TMEM38B: variants seen among roughly 807,000 people sequenced by gnomAD.
TMEM38B encodes the protein trimeric intracellular cation channel type B.
TMEM38B carries 24 observed loss-of-function variants against 28.7 expected under a neutral mutation model. The observed-to-expected ratio is 0.84, with a 90% CI of 0.61 to 1.18. The LOEUF (loss-of-function observed/expected upper bound fraction) is 1.18. Among genes scored for constraint, TMEM38B ranks in the 50% most tolerant of loss-of-function variants. The pLI, the probability that TMEM38B is intolerant of heterozygous loss-of-function variation, is 0.00. For synonymous variants in TMEM38B, 131 were observed against 127.7 expected (o/e 1.03, Z -0.17); for missense variants, 380 against 350.9 (o/e 1.08, Z -0.66).
intron 4 of TMEM38B, among the ~76,000 whole-genome samples, chr9:105,742,352 A>G (rs1377343702): frequency 1.3e-5 from 2 of 152,208 alleles, no homozygotes; most frequent in Non-Finnish European, 2.9e-5. Context: ...ACAGAAGATT[A>G]TTCCCAGGCT....
At chr9:105,728,495 A>G (rs1296646759) in intron 4 of TMEM38B, among the ~76,000 whole-genome samples, 4 of 152,130 alleles carry the variant, frequency 2.6e-5, no homozygotes, top group Non-Finnish European at 5.9e-5. Context: ...TTATTGATGG[A>G]CATTTTGGTT....
chr9:105,743,434 T>G (rs1837275723), intron 4 of TMEM38B, among the ~76,000 whole-genome samples: 1 of 152,182 alleles, frequency 6.6e-6, no homozygotes, highest in Non-Finnish European at 1.5e-5. Flanking sequence ...TGTTTTGCAG[T>G]GTGGCATTCT....
intron 1 of TMEM38B, among the ~76,000 whole-genome samples, chr9:105,697,621 A>G (rs1302313939): frequency 6.6e-6 from 1 of 151,622 alleles, no homozygotes; most frequent in Non-Finnish European, 1.5e-5. Flanking sequence ...ATTGTCTTCT[A>G]TTTACTGTCT....
chr9:105,735,323 A>T (rs573223544), intron 4 of TMEM38B, among the ~76,000 whole-genome samples: 1 of 152,344 alleles, frequency 6.6e-6, no homozygotes, highest in South Asian at 2.1e-4. Context: ...AAAGATTTAT[A>T]TAGCACCATT....
Position 105,773,921 on chromosome 9 carries a change from AT to A in TMEM38B, c.719del (p.Leu240Ter). The stretch of plus-strand genomic sequence containing the variant: ...TGACATTTGCTCCTTTTGAGGATAC[AT>A]TGAGTTGGATGCTATTTGGCTGGCA... ...TMTFAPFEDTLSWMLFGWQQP... is the reference protein window; with the variant it reads ...TMTFAPFEDTXSWMLFGWQQP... On this transcript the variant is annotated frameshift_variant, in exon 6 of 6. Transcript: ENST00000374692. LOFTEE classifies it low-confidence loss of function (END_TRUNC). 1 of 1,613,788 alleles carries A rather than the reference AT, an allele frequency of 6.2e-7. No homozygotes were observed. The highest frequency in any genetic ancestry group is 8.5e-7 in the Non-Finnish European group (1 of 1,179,760).
At chr9:105,725,048 A>G (rs928995331) in intron 4 of TMEM38B, among the ~76,000 whole-genome samples, 2 of 152,068 alleles carry the variant, frequency 1.3e-5, no homozygotes, top group Non-Finnish European at 2.9e-5. Context: ...CAAGTCAAGT[A>G]TGGTCTAGTT....
chr9:105,712,634 A>G (rs1006064142), intron 2 of TMEM38B, among the ~76,000 whole-genome samples: 1 of 152,244 alleles, frequency 6.6e-6, no homozygotes, highest in Non-Finnish European at 1.5e-5. Context: ...ACCCTTTTAC[A>G]TTTAGTGCCT....
intron 5 of TMEM38B, among the ~76,000 whole-genome samples, chr9:105,763,636 G>A (rs187668883): frequency 1.8e-4 from 27 of 152,226 alleles, no homozygotes; most frequent in Non-Finnish European, 2.8e-4. Flanking sequence ...ATTCACAGCC[G>A]AATTCTACCA....
rs200972608 is a variant in TMEM38B at position 105,705,575 on chromosome 9, A to G, written c.113-22A>G. The stretch of plus-strand genomic sequence containing the variant: ...AATAAATGTATAATGATCACAGACC[A>G]TATTTTACTTTACCATTTCAGGAGC... On this transcript the variant is annotated intron_variant, in intron 1 of 5. Coordinates refer to ENST00000374692, the MANE Select transcript of TMEM38B (RefSeq NM_018112.3). The G allele has an allele frequency of 1.9e-5, 31 of 1,606,076 alleles. No homozygotes were observed. In the East Asian group the frequency reaches 5.6e-4, roughly 29 times the overall value.
rs572044347 is a variant in TMEM38B, at chr9:105,718,404, A to AT, written c.270-3128dup. The stretch of plus-strand genomic sequence containing the variant: ...TAGGCGCCCGCCACCATGCTGGCTA[A>AT]TTTTTGTGTTTTTTAGTAGAGATGG... On this transcript the variant is annotated intron_variant, in intron 2 of 5. Coordinates refer to ENST00000374692, the MANE Select transcript of TMEM38B (RefSeq NM_018112.3). Among the ~76,000 whole-genome samples, 41 of 152,144 alleles carry AT rather than the reference A, an allele frequency of 2.7e-4. No homozygotes were observed. The East Asian group carries it at 7.4e-3, about 27-fold the overall frequency.
At chr9:105,735,583 TC>T (rs1469235857) in intron 4 of TMEM38B, among the ~76,000 whole-genome samples, 11 of 152,210 alleles carry the variant, frequency 7.2e-5, no homozygotes, top group African/African-American at 2.2e-4. Context: ...GCAGTTGTTT[TC>T]TTTCAGCTGT....
chr9:105,731,947 T>G (rs968074603), intron 4 of TMEM38B, among the ~76,000 whole-genome samples: 6 of 152,164 alleles, frequency 3.9e-5, no homozygotes, highest in African/African-American at 1.2e-4. Context: ...TTCCTATTTC[T>G]CCACATCCTC....
At chr9:105,753,206 G>C (rs1837721193) in intron 5 of TMEM38B, among the ~76,000 whole-genome samples, 1 of 152,152 alleles carries the variant, frequency 6.6e-6, no homozygotes, top group Non-Finnish European at 1.5e-5. Flanking sequence ...GTACTTGAAA[G>C]AGACGAGGAG....
In TMEM38B at chr9:105,694,790, C is replaced by A; in HGVS notation, c.112+18C>A. On this transcript the variant is annotated intron_variant, in intron 1 of 5. Coordinates refer to ENST00000374692, the MANE Select transcript of TMEM38B (RefSeq NM_018112.3). ...TCAGCCGGGTGAGTGCGGGGCGCCG[C>A]GGGCCGGACCCCTCAGAGTGCTCCT... The A allele has an allele frequency of 7.4e-7, 1 of 1,349,696 alleles. No individual in the cohort carries two copies. Among genetic ancestry groups the A allele is most frequent in the Non-Finnish European group, 9.8e-7 (1 of 1,018,374 alleles). 83.6% of individuals were successfully genotyped at this position (1,349,696 alleles called of 1,614,324 possible).
chr9:105,732,622 T>C (rs1180580342), intron 4 of TMEM38B, among the ~76,000 whole-genome samples: 1 of 151,518 alleles, frequency 6.6e-6, no homozygotes, highest in African/African-American at 2.4e-5. Context: ...TGGTTTTATA[T>C]GTGTGGTGTT....
chr9:105,708,404 A>T (rs912820734), intron 2 of TMEM38B, among the ~76,000 whole-genome samples: 43 of 152,154 alleles, frequency 2.8e-4, no homozygotes, highest in African/African-American at 9.9e-4. Context: ...GGGCTCTCAC[A>T]TTCACAGATT....
chr9:105,711,216 G>A (rs956685864), intron 2 of TMEM38B, among the ~76,000 whole-genome samples: 5 of 149,710 alleles, frequency 3.3e-5, no homozygotes, highest in Non-Finnish European at 7.4e-5. Context: ...CGAGGTGGGC[G>A]GATCACCTGA....
At chr9:105,724,560 T>C (rs1489622286) in intron 4 of TMEM38B, among the ~76,000 whole-genome samples, 3 of 151,344 alleles carry the variant, frequency 2.0e-5, no homozygotes, top group Non-Finnish European at 4.4e-5. Context: ...GAGGCAGAAG[T>C]TGCAATGAGC....
intron 5 of TMEM38B, chr9:105,760,795 A>G (rs1278736799): frequency 2.3e-6 from 2 of 861,618 alleles, no homozygotes; most frequent in Middle Eastern, 3.5e-4. Flanking sequence ...AACTTTGATA[A>G]ATGAAGCCAT....
Sources: allele counts gnomAD v4.1 joint callset (sites outside exome capture counted in the v4.1 genomes callset), GRCh38; gene constraint gnomAD v4.1.1; transcripts MANE v1.5; gene names NCBI Gene and HGNC (gene_info 2026-07-23, HGNC 2026-07-21).